Variants in CLVS1 observed in about 807,000 individuals in gnomAD.
The protein encoded by CLVS1 is clavesin 1, also known as clavesin-1.
CLVS1 carries 10 observed loss-of-function variants against 33.1 expected under a neutral mutation model. That is an observed-to-expected ratio of 0.30 (90% CI 0.19 to 0.51). The LOEUF is 0.51. Ranked by LOEUF, CLVS1 falls within the 20% of genes least tolerant of loss-of-function variation. The pLI, the probability that CLVS1 is intolerant of heterozygous loss-of-function variation, is 0.97. For missense variants in CLVS1, 343 were observed against 433.4 expected (o/e 0.79, Z 1.85); for synonymous variants, 163 against 166.1 (o/e 0.98, Z 0.14).
intron 2 of CLVS1, among the ~76,000 whole-genome samples, chr8:61,138,065 G>A (rs999984566): frequency 3.9e-5 from 6 of 152,222 alleles, no homozygotes; most frequent in Non-Finnish European, 7.3e-5. Flanking sequence ...GACCTGGAGA[G>A]TAGACAGACT....
chr8:60,966,898 T>G, the CLVS1 span, among the ~76,000 whole-genome samples: 1 of 152,146 alleles, frequency 6.6e-6, no homozygotes, highest in Admixed American at 6.5e-5. Context: ...GGATCAAGGT[T>G]AGAGGGAAAA....
chr8:61,239,268 A>G (rs1312332323), intron 2 of CLVS1, among the ~76,000 whole-genome samples: 1 of 152,220 alleles, frequency 6.6e-6, no homozygotes, highest in African/African-American at 2.4e-5. Context: ...GAATCTATAC[A>G]ACTGGACATA....
chr8:61,323,838 G>A (rs980206379), intron 2 of CLVS1, among the ~76,000 whole-genome samples: 3 of 152,034 alleles, frequency 2.0e-5, no homozygotes, highest in African/African-American at 7.2e-5. Flanking sequence ...TCCCTAGTGT[G>A]TGTTTTTCCC....
At chr8:60,992,311 G>A in the CLVS1 span, among the ~76,000 whole-genome samples, 7 of 152,100 alleles carry the variant, frequency 4.6e-5, no homozygotes, top group South Asian at 1.5e-3. Flanking sequence ...TCCAAGCTTC[G>A]TATTGAGTGG....
chr8:61,446,451 A>G (rs1018561571), intron 3 of CLVS1, among the ~76,000 whole-genome samples: 2 of 152,220 alleles, frequency 1.3e-5, no homozygotes, highest in African/African-American at 4.8e-5. Flanking sequence ...GAGGCTGAGA[A>G]GTCCAAAGTT....
chr8:61,112,347 A>G (rs1375001942), intron 1 of CLVS1, among the ~76,000 whole-genome samples: 1 of 152,168 alleles, frequency 6.6e-6, no homozygotes, highest in African/African-American at 2.4e-5. Context: ...ATTTGCTGAC[A>G]TTTAATGTAA....
rs1267566672 is a variant in CLVS1, at chr8:61,458,418, C to A, written c.853C>A (p.Arg285=). The A allele has an allele frequency of 1.2e-6, 2 of 1,614,028 alleles. No individual in the cohort carries two copies. Among genetic ancestry groups the A allele is most frequent in the Non-Finnish European group, 1.7e-6 (2 of 1,179,972 alleles). ...TCCTTATGACATGGGAACTTGGGCC[C>A]GGACGTTACTCGGTCCCGACTACAG... ...LPPYDMGTWA[R]TLLGPDYSDE... is the part of the protein sequence containing the mutation. The change falls in exon 5 of 6, where the codon CGG becomes AGG. Residue 285 remains arginine, a synonymous_variant. Coordinates refer to ENST00000325897, the MANE Select transcript of CLVS1 (RefSeq NM_173519.3).
At chr8:61,190,153 G>A (rs1322588477) in intron 2 of CLVS1, among the ~76,000 whole-genome samples, 1 of 151,950 alleles carries the variant, frequency 6.6e-6, no homozygotes, top group African/African-American at 2.4e-5. Context: ...TATAAAAGAA[G>A]AGAAATTATA....
chr8:61,483,554 T>C (rs1444889633), intron 5 of CLVS1, among the ~76,000 whole-genome samples: 1 of 152,150 alleles, frequency 6.6e-6, no homozygotes, highest in African/African-American at 2.4e-5. Context: ...ACTATTCCAA[T>C]CAATAGAAAC....
At chr8:61,012,387 C>T in the CLVS1 span, among the ~76,000 whole-genome samples, 6 of 152,184 alleles carry the variant, frequency 3.9e-5, no homozygotes, top group Non-Finnish European at 8.8e-5. Flanking sequence ...TTCATTATAT[C>T]ATTTTTCCCA....
chr8:61,187,125 TTGCAATA>T (rs1187290488), intron 2 of CLVS1, among the ~76,000 whole-genome samples: 1 of 98,732 alleles, frequency 1.0e-5, no homozygotes, highest in Non-Finnish European at 3.0e-5. Flanking sequence ...TTCCAAGGCA[TTGCAATA>T]TTTTTTTTTC....
At chr8:61,159,819 G>T (rs1410406174) in intron 2 of CLVS1, among the ~76,000 whole-genome samples, 1 of 152,148 alleles carries the variant, frequency 6.6e-6, no homozygotes, top group Non-Finnish European at 1.5e-5. Context: ...AGTGAGCTAC[G>T]TCCTGAACAA....
chr8:61,227,483 A>C (rs1808356088), intron 2 of CLVS1, among the ~76,000 whole-genome samples: 1 of 152,164 alleles, frequency 6.6e-6, no homozygotes, highest in South Asian at 2.1e-4. Context: ...ATTTTGTCAC[A>C]TTCTCTCCTG....
upstream of CLVS1, among the ~76,000 whole-genome samples, chr8:61,052,647 G>A (rs1377779600): frequency 6.6e-6 from 1 of 152,222 alleles, no homozygotes; most frequent in Non-Finnish European, 1.5e-5. Flanking sequence ...GGAAGCCCAT[G>A]TGACCTGAGC....
chr8:61,458,000 A>G (rs1467643986), intron 4 of CLVS1, among the ~76,000 whole-genome samples: 1 of 152,260 alleles, frequency 6.6e-6, no homozygotes, highest in African/African-American at 2.4e-5. Flanking sequence ...GGTGGTCTGC[A>G]CCATCACTCC....
At chr8:61,005,483 GA>G in the CLVS1 span, among the ~76,000 whole-genome samples, 1 of 150,264 alleles carries the variant, frequency 6.7e-6, no homozygotes, top group Non-Finnish European at 1.5e-5. Context: ...CAGCAGCAGG[GA>G]AAAAAGAAAA....
In CLVS1 at chr8:61,130,060, A is replaced by G. The variant is rs1021438476; in HGVS notation, c.-242-1710A>G. ...TGAGACTAGCCTGGCTAACATGGTG[A>G]AACCCCATCTCTACTAAAAATACAA... is the stretch of plus-strand genomic sequence containing the variant. On this transcript the variant is annotated intron_variant, in intron 1 of 2. Transcript: ENST00000522621. Among the ~76,000 whole-genome samples the G allele has an allele frequency of 1.3e-5, 2 of 151,984 alleles. 1 individual carries two copies. The highest frequency in any genetic ancestry group is 2.9e-5 in the Non-Finnish European group (2 of 67,990).
chr8:60,986,972 TA>T, the CLVS1 span, among the ~76,000 whole-genome samples: 1 of 152,242 alleles, frequency 6.6e-6, no homozygotes, highest in Non-Finnish European at 1.5e-5. Flanking sequence ...CACTGTAGTT[TA>T]ACCTATTCAT....
upstream of CLVS1, among the ~76,000 whole-genome samples, chr8:61,056,693 G>A (rs1229935767): frequency 6.6e-6 from 1 of 152,170 alleles, no homozygotes; most frequent in Non-Finnish European, 1.5e-5. Context: ...CCACATTGCA[G>A]CTGTGAAGTT....
Sources: allele counts gnomAD v4.1 joint callset (sites outside exome capture counted in the v4.1 genomes callset), GRCh38; gene constraint gnomAD v4.1.1; transcripts MANE v1.5; gene names NCBI Gene and HGNC (gene_info 2026-07-23, HGNC 2026-07-21).